Variants in C1orf21 observed in about 807,000 individuals in gnomAD.
C1orf21 encodes uncharacterized protein C1orf21.
Under a neutral mutation model 18.7 loss-of-function variants are expected in C1orf21, and 3 were observed. The ratio of observed to expected loss-of-function variants is 0.16; its 90% confidence interval spans 0.07 to 0.42. The LOEUF is 0.42. Ranked by LOEUF, C1orf21 falls within the 10% of genes least tolerant of loss-of-function variation. The pLI is 0.99. For synonymous variants in C1orf21, 41 were observed against 46.4 expected (o/e 0.88, Z 0.47); for missense variants, 104 against 143.6 (o/e 0.72, Z 1.41).
In C1orf21 at chr1:184,590,629, G is replaced by A. The variant is rs148848494; in HGVS notation, c.190-110G>A. On this transcript the variant is annotated intron_variant, in intron 3 of 5. Transcript: ENST00000235307. ...TTTTGCCCTTGTGAGGTAACCAGCCGTAGTATAGGGCCCCAAACAGATTGA... is the reference window on the plus strand; with the variant it reads ...TTTTGCCCTTGTGAGGTAACCAGCCATAGTATAGGGCCCCAAACAGATTGA... The A allele has an allele frequency of 7.6e-4, 801 of 1,050,142 alleles. 5 individuals are homozygous for A. In the African/African-American group the frequency reaches 9.2e-3, roughly 12 times the overall value. 65.1% of individuals were successfully genotyped at this position (1,050,142 alleles called of 1,614,324 possible). A position where few individuals can be genotyped will look rare whatever the true frequency, so the allele number is the denominator to read the frequency against.
At chr1:184,442,393 C>T (rs1055905181) in intron 1 of C1orf21, among the ~76,000 whole-genome samples, 4 of 152,064 alleles carry the variant, frequency 2.6e-5, no homozygotes, top group East Asian at 1.9e-4. Context: ...CTGCACAATG[C>T]GGATAATATT....
At chr1:184,540,627 C>T (rs1402879654) in intron 3 of C1orf21, among the ~76,000 whole-genome samples, 2 of 152,220 alleles carry the variant, frequency 1.3e-5, no homozygotes, top group African/African-American at 2.4e-5. Context: ...GACAGGGTTT[C>T]GCCATGTTGG....
At chr1:184,564,399 C>T (rs1028867109) in intron 3 of C1orf21, among the ~76,000 whole-genome samples, 8 of 152,272 alleles carry the variant, frequency 5.3e-5, no homozygotes, top group African/African-American at 1.9e-4. Flanking sequence ...ACCTGCGCCT[C>T]CCAGGTTCAA....
At chr1:184,588,547 G>A (rs1659393691) in intron 3 of C1orf21, among the ~76,000 whole-genome samples, 1 of 152,116 alleles carries the variant, frequency 6.6e-6, no homozygotes, top group Non-Finnish European at 1.5e-5. Flanking sequence ...TATGGTCTCA[G>A]GTAAGTGCTT....
chr1:184,407,332 GC>G lies in C1orf21; in HGVS notation c.-125+19965del, dbSNP rs564959061. Reference sequence around the variant, plus strand: ...AGTCTTTAATGTGGAACTAACTGTGGCTAAAACATTTTACATGTCTAAAATG... The same window carrying G: ...AGTCTTTAATGTGGAACTAACTGTGGTAAAACATTTTACATGTCTAAAATG... On this transcript the variant is annotated intron_variant, in intron 1 of 5. Transcript: ENST00000235307. Among the ~76,000 whole-genome samples, 373 of 152,164 alleles carry G rather than the reference GC, an allele frequency of 2.5e-3. 2 individuals carry two copies. The highest frequency in any genetic ancestry group is 7.4e-3 in the African/African-American group (307 of 41,508).
At chr1:184,561,321 C>A (rs545055920) in intron 3 of C1orf21, among the ~76,000 whole-genome samples, 6 of 152,206 alleles carry the variant, frequency 3.9e-5, no homozygotes, top group Non-Finnish European at 8.8e-5. Flanking sequence ...GGAAGGATAC[C>A]TGCTGAACTT....
intron 3 of C1orf21, among the ~76,000 whole-genome samples, chr1:184,577,409 A>G (rs929595905): frequency 1.3e-5 from 2 of 152,102 alleles, no homozygotes; most frequent in Non-Finnish European, 1.5e-5. Context: ...GCGGCCCTCC[A>G]GAAGTGTCAC....
chr1:184,543,565 CT>C (rs1433924942), intron 3 of C1orf21, among the ~76,000 whole-genome samples: 1 of 152,094 alleles, frequency 6.6e-6, no homozygotes, highest in African/African-American at 2.4e-5. Context: ...CTGGGAACTT[CT>C]TTCTAGAATT....
intron 5 of C1orf21, among the ~76,000 whole-genome samples, chr1:184,606,929 G>A (rs1040789421): frequency 7.2e-5 from 11 of 152,148 alleles, no homozygotes; most frequent in Admixed American, 2.0e-4. Context: ...AGACATTCCC[G>A]TTTATATCAG....
rs1263855042 is a variant in C1orf21 at position 184,622,793 on chromosome 1, TC to T, written c.*3238del. 2 of 152,268 alleles carry T rather than the reference TC, an allele frequency of 1.3e-5. No homozygotes were observed. Among genetic ancestry groups the T allele is most frequent in the Non-Finnish European group, 2.9e-5 (2 of 68,092 alleles). 9.4% of individuals were successfully genotyped at this position (152,268 alleles called of 1,614,324 possible). On this transcript the variant is annotated 3_prime_UTR_variant, in exon 6 of 6. Coordinates refer to ENST00000235307, the MANE Select transcript of C1orf21 (RefSeq NM_030806.4). ...AGACGGACCCAGGAGGAGTGCTGGT[TC>T]TTCAGTCTTTGTACTGGCCCCATCC...
intron 1 of C1orf21, among the ~76,000 whole-genome samples, chr1:184,389,091 T>G (rs1256738134): frequency 6.6e-6 from 1 of 152,210 alleles, no homozygotes; most frequent in Non-Finnish European, 1.5e-5. Flanking sequence ...AAACCAATGC[T>G]GGGACTGGTA....
rs529412118 is a variant in C1orf21 at position 184,594,727 on chromosome 1, T to G, written c.267-3674T>G. Among the ~76,000 whole-genome samples, 200 of 152,282 alleles carry G rather than the reference T, an allele frequency of 1.3e-3. 2 individuals carry two copies. Among genetic ancestry groups the G allele is most frequent in the Admixed American group, 0.011 (173 of 15,290 alleles). On this transcript the variant is annotated intron_variant, in intron 4 of 5. Transcript: ENST00000235307. ...AGAAGTCCCCTCCTGCACCTGCTGT[T>G]TCCAGTTGTCTTTAGCTCAAAATAG...
intron 3 of C1orf21, among the ~76,000 whole-genome samples, chr1:184,556,080 AAC>A (rs1658874990): frequency 6.6e-6 from 1 of 151,796 alleles, no homozygotes. Flanking sequence ...CCCAACCCCA[AAC>A]ACACACACAA....
intron 1 of C1orf21, among the ~76,000 whole-genome samples, chr1:184,429,528 T>C (rs1027916030): frequency 1.3e-5 from 2 of 152,150 alleles, no homozygotes; most frequent in Admixed American, 6.5e-5. Context: ...GTGGATGTTA[T>C]GTTGAGGTGT....
rs539226701 is a variant in C1orf21, at chr1:184,432,528, G to A, written c.-124-44858G>A. 7.9e-5 allele frequency among the ~76,000 whole-genome samples: 12 copies of A among 152,228 alleles called. No individual in the cohort carries two copies. The South Asian group carries it at 2.5e-3, about 32-fold the overall frequency. On this transcript the variant is annotated intron_variant, in intron 1 of 5. Coordinates refer to ENST00000235307, the MANE Select transcript of C1orf21 (RefSeq NM_030806.4). ...ACGCTGGGGCCTGTTGCAGGGTAGG[G>A]GCTAGGGGAGGGATAGCATTAGGAG... is the stretch of plus-strand genomic sequence containing the variant.
intron 2 of C1orf21, among the ~76,000 whole-genome samples, chr1:184,493,732 C>T (rs1397190806): frequency 6.6e-6 from 1 of 152,100 alleles, no homozygotes; most frequent in African/African-American, 2.4e-5. Context: ...ACCTTTTAGT[C>T]TTCATTGCCT....
intron 5 of C1orf21, among the ~76,000 whole-genome samples, chr1:184,609,362 A>G (rs1401447140): frequency 2.6e-5 from 4 of 152,220 alleles, no homozygotes; most frequent in African/African-American, 9.7e-5. Flanking sequence ...ATGTGTGATT[A>G]GTCTCCCCAA....
intron 3 of C1orf21, among the ~76,000 whole-genome samples, chr1:184,586,375 T>TG (rs1491525101): frequency 6.9e-6 from 1 of 145,606 alleles, no homozygotes; most frequent in Non-Finnish European, 1.5e-5. Flanking sequence ...CTCCGCCCCC[T>TG]GGGGTTCACG....
chr1:184,522,164 T>C (rs1484209336), intron 3 of C1orf21, among the ~76,000 whole-genome samples: 1 of 152,164 alleles, frequency 6.6e-6, no homozygotes, highest in Non-Finnish European at 1.5e-5. Context: ...CTTAGCTTAA[T>C]ATAGATACAG....
Sources: gnomAD v4.1 joint callset for allele counts (sites outside exome capture counted in the v4.1 genomes callset) on GRCh38, gnomAD v4.1.1 for gene constraint, MANE v1.5 for transcripts, NCBI Gene and HGNC (gene_info 2026-07-23, HGNC 2026-07-21) for gene names.